RELN: variants seen among roughly 807,000 people sequenced by gnomAD.
The protein encoded by RELN is reelin.
RELN carries 108 observed loss-of-function variants against 427.6 expected under a neutral mutation model. The observed-to-expected ratio is 0.25, with a 90% CI of 0.22 to 0.30. The LOEUF (loss-of-function observed/expected upper bound fraction) is 0.30. Ranked by LOEUF, RELN falls within the 10% of genes least tolerant of loss-of-function variation. The pLI is 1.00. For synonymous variants in RELN, 1,524 were observed against 1,513.4 expected, an observed-to-expected ratio of 1.01 and a Z score of -0.16; for missense variants, 3,715 against 4,302.8, an observed-to-expected ratio of 0.86 and a Z score of 3.82.
chr7:103,489,822 C>G lies in RELN; in HGVS notation c.9683G>C (p.Gly3228Ala). Residue 3228 changes from glycine to alanine, a missense_variant, in exon 60 of 65, where the codon GGA (glycine) becomes GCA (alanine). By Grantham distance (60) the Gly-to-Ala change is moderately conservative. Around this residue, in one of 4 missense-constraint regions of RELN, gnomAD observed 1,310 missense variants for 1,643.0 expected, o/e 0.80. Coordinates refer to ENST00000428762, the MANE Select transcript of RELN (RefSeq NM_005045.4). ...QSWAIDHVYI[G>A]EACPKLCSGH... ...GCTGCAGAGCTTGGGGCAAGCCTCT[C>G]CAATGTACACGTGGTCAATTGCCCA... 6.2e-7 allele frequency: 1 copy of G among 1,614,184 alleles called. No homozygotes were observed. Among genetic ancestry groups the G allele is most frequent in the Middle Eastern group, 1.6e-4 (1 of 6,062 alleles).
At chr7:103,519,009 T>C (rs1339755947) in intron 49 of RELN, among the ~76,000 whole-genome samples, 2 of 152,220 alleles carry the variant, frequency 1.3e-5, no homozygotes, top group Non-Finnish European at 2.9e-5. Flanking sequence ...TTTATTTTTC[T>C]GTTTCCATTT....
At chr7:103,742,045 C>T (rs1232634071) in intron 6 of RELN, among the ~76,000 whole-genome samples, 8 of 152,102 alleles carry the variant, frequency 5.3e-5, no homozygotes, top group African/African-American at 1.7e-4. Flanking sequence ...CCGCACACGG[C>T]CAGGTACTCC....
At chr7:103,778,957 G>A (rs1229101326) in intron 3 of RELN, among the ~76,000 whole-genome samples, 1 of 152,192 alleles carries the variant, frequency 6.6e-6, no homozygotes, top group Non-Finnish European at 1.5e-5. Flanking sequence ...GTTTAAGGGA[G>A]CAGAGTTTGA....
intron 52 of RELN, among the ~76,000 whole-genome samples, chr7:103,501,509 GA>G (rs1829028850): frequency 1.3e-5 from 2 of 152,176 alleles, no homozygotes; most frequent in South Asian, 2.1e-4. Flanking sequence ...TCTTCTGGGG[GA>G]AAAAACAAGC....
intron 25 of RELN, among the ~76,000 whole-genome samples, chr7:103,595,186 C>CAGTCT (rs760943863): frequency 4.9e-4 from 75 of 152,294 alleles, no homozygotes; most frequent in African/African-American, 1.3e-3. Flanking sequence ...GTTACCTAGT[C>CAGTCT]ACCTTACTGA....
chr7:103,982,305 C>T (rs1584419728), intron 1 of RELN, among the ~76,000 whole-genome samples: 1 of 152,146 alleles, frequency 6.6e-6, no homozygotes, highest in African/African-American at 2.4e-5. Context: ...AAATACTCAC[C>T]TCCATGGCTC....
chr7:103,493,458 G>A (rs1584228242), intron 57 of RELN, among the ~76,000 whole-genome samples: 1 of 152,296 alleles, frequency 6.6e-6, no homozygotes, highest in East Asian at 1.9e-4. Flanking sequence ...GTGCCAATGT[G>A]CAAAGGTGTA....
chr7:103,872,024 A>AT (rs1312027696), intron 2 of RELN, among the ~76,000 whole-genome samples: 2 of 94,244 alleles, frequency 2.1e-5, no homozygotes, highest in African/African-American at 7.7e-5. Context: ...ATATATATAT[A>AT]TATATATTTT....
rs35263819 is a variant in RELN, at chr7:103,761,628, T to TG, written c.545-8415dup. On this transcript the variant is annotated intron_variant, in intron 4 of 64. Coordinates refer to ENST00000428762, the MANE Select transcript of RELN (RefSeq NM_005045.4). The stretch of plus-strand genomic sequence containing the variant: ...GCACCAAGACCAGTAAATTTTTTTT[T>TG]GGGGGGGGGTAGAGACAAGATCTTA... Among the ~76,000 whole-genome samples the TG allele has an allele frequency of 2.2e-3, 336 of 149,940 alleles. 1 individual carries two copies. The highest frequency in any genetic ancestry group is 5.7e-3 in the African/African-American group (235 of 40,900).
At chr7:103,589,226 T>C (rs1831352623) in intron 28 of RELN, among the ~76,000 whole-genome samples, 1 of 152,222 alleles carries the variant, frequency 6.6e-6, no homozygotes, top group African/African-American at 2.4e-5. Context: ...GCCACATTTA[T>C]AAAGCTGAGT....
At chr7:103,608,961 G>A (rs977940876) in intron 22 of RELN, among the ~76,000 whole-genome samples, 39 of 152,152 alleles carry the variant, frequency 2.6e-4, no homozygotes, top group African/African-American at 9.2e-4. Context: ...GGTGGGTCAT[G>A]CCTATAATTT....
rs183541221 is a variant in RELN at position 103,855,190 on chromosome 7, G to T, written c.338-21518C>A. Among the ~76,000 whole-genome samples, 319 of 152,286 alleles carry T rather than the reference G, an allele frequency of 2.1e-3. 1 individual carries two copies. The highest frequency in any genetic ancestry group is 3.8e-3 in the Non-Finnish European group (259 of 68,024). On this transcript the variant is annotated intron_variant, in intron 2 of 64. Transcript: ENST00000428762. Reference sequence around the variant, plus strand: ...ATTCTCTTGGGAAGTTTGTTGCAAAGGGAACAGCATGCTTGAAGCGGAAAA... The same window carrying T: ...ATTCTCTTGGGAAGTTTGTTGCAAATGGAACAGCATGCTTGAAGCGGAAAA...
In RELN at chr7:103,566,583, G is replaced by C; in HGVS notation, c.4747+18C>G. 3.1e-6 allele frequency: 5 copies of C among 1,613,938 alleles called. No homozygotes were observed. Among genetic ancestry groups the C allele is most frequent in the Non-Finnish European group, 4.2e-6 (5 of 1,179,976 alleles). On this transcript the variant is annotated intron_variant, in intron 32 of 64. Coordinates refer to ENST00000428762, the MANE Select transcript of RELN (RefSeq NM_005045.4). ...TGACCTAAAAGCTACCAGAAAGCTG[G>C]AGTGAGCAGTAACTTACCATGTTGC...
At chr7:103,928,398 G>T (rs1315914243) in intron 1 of RELN, among the ~76,000 whole-genome samples, 1 of 152,152 alleles carries the variant, frequency 6.6e-6, no homozygotes, top group East Asian at 1.9e-4. Context: ...CAGACTCCCA[G>T]TTCCCAAATG....
chr7:103,758,176 G>C (rs1057081950), intron 4 of RELN, among the ~76,000 whole-genome samples: 3 of 152,072 alleles, frequency 2.0e-5, no homozygotes, highest in Non-Finnish European at 4.4e-5. Flanking sequence ...CAGAAATAAT[G>C]CCATTGAAAT....
chr7:103,779,571 G>A (rs556018555), intron 3 of RELN, among the ~76,000 whole-genome samples: 1 of 152,220 alleles, frequency 6.6e-6, no homozygotes, highest in South Asian at 2.1e-4. Context: ...TCACACCACT[G>A]GTGGCAAAGC....
At chr7:103,919,914 T>C (rs1228401540) in intron 1 of RELN, among the ~76,000 whole-genome samples, 1 of 152,208 alleles carries the variant, frequency 6.6e-6, no homozygotes, top group Non-Finnish European at 1.5e-5. Context: ...ATTATTTAAA[T>C]ATGTATATGA....
At position 103,569,621 on chromosome 7, in the gene RELN, A is replaced by G. The variant is rs362732; in HGVS notation, c.4588+2563T>C. On this transcript the variant is annotated intron_variant, in intron 31 of 64. Transcript: ENST00000428762. This position sits in a 1 kb window ranked among gnomAD's most constrained non-coding sequence, Gnocchi z 4.0. ...TTTGGTTTCTGTCTTCCTCCTCATT[A>G]GCTTTTTAAGGAGTGCCACATATAC... is the stretch of plus-strand genomic sequence containing the variant. 0.25 allele frequency among the ~76,000 whole-genome samples: 38,385 copies of G among 152,132 alleles called. 5,631 individuals carry two copies. The highest frequency in any genetic ancestry group is 0.41 in the South Asian group (1,968 of 4,818).
chr7:103,983,866 TG>T (rs2116848303), intron 1 of RELN, among the ~76,000 whole-genome samples: 1 of 16,452 alleles, frequency 6.1e-5, no homozygotes, highest in East Asian at 0.036. Context: ...CATATTTCTG[TG>T]TGTGTGTGTG....
Sources: allele counts gnomAD v4.1 joint callset (sites outside exome capture counted in the v4.1 genomes callset), GRCh38; gene constraint gnomAD v4.1.1; regional missense constraint gnomAD v4.1.1; non-coding constraint Gnocchi (gnomAD v3.1); transcripts MANE v1.5; gene names NCBI Gene and HGNC (gene_info 2026-07-23, HGNC 2026-07-21).